The following SECISBP2 variants were observed in gnomAD, a reference collection of about 807,000 sequenced individuals.
The protein encoded by SECISBP2 is selenocysteine insertion sequence-binding protein 2.
A neutral mutation model predicts 98.2 loss-of-function variants in SECISBP2; 96 were observed. That is an observed-to-expected ratio of 0.98 (90% CI 0.83 to 1.16). The LOEUF (loss-of-function observed/expected upper bound fraction) is 1.16. Among genes scored for constraint, SECISBP2 ranks in the 50% most tolerant of loss-of-function variants. The probability of loss-of-function intolerance (pLI) is 0.00; values close to 1 mark genes in which losing one functional copy is unlikely to be tolerated. For missense variants in SECISBP2, 1,046 were observed against 1,022.9 expected (o/e 1.02, Z -0.31); for synonymous variants, 407 against 370.2 (o/e 1.10, Z -1.14).
At chr9:89,333,863 T>G (rs1828179545) in intron 6 of SECISBP2, among the ~76,000 whole-genome samples, 1 of 152,226 alleles carries the variant, frequency 6.6e-6, no homozygotes, top group African/African-American at 2.4e-5. Context: ...GTTCGATATG[T>G]ATGTGGTTGA....
chr9:89,336,710 T>C (rs1828776322), intron 7 of SECISBP2, among the ~76,000 whole-genome samples: 1 of 149,620 alleles, frequency 6.7e-6, no homozygotes, highest in Admixed American at 6.7e-5. Flanking sequence ...CCTGCCTGTC[T>C]CTGGGGCTCC....
At chr9:89,366,465 T>TG in the SECISBP2 span, among the ~76,000 whole-genome samples, 4 of 152,352 alleles carry the variant, frequency 2.6e-5, no homozygotes, top group East Asian at 5.8e-4. Context: ...CATCTGGCCC[T>TG]GGCCTGGTGG....
At chr9:89,360,472 G>T (rs1290568465), downstream of SECISBP2, among the ~76,000 whole-genome samples, 4 of 152,228 alleles carry the variant, frequency 2.6e-5, no homozygotes, top group Non-Finnish European at 4.4e-5. Flanking sequence ...CACTAGAGAT[G>T]AATTCCTCTG....
chr9:89,340,910 T>C (rs1829558044), intron 9 of SECISBP2, among the ~76,000 whole-genome samples: 1 of 152,240 alleles, frequency 6.6e-6, no homozygotes, highest in South Asian at 2.1e-4. Context: ...TTTGGGCTTA[T>C]GTAGACTTTT....
intron 14 of SECISBP2, among the ~76,000 whole-genome samples, chr9:89,351,729 G>A (rs141506546): frequency 1.3e-5 from 2 of 152,110 alleles, no homozygotes; most frequent in Non-Finnish European, 2.9e-5. Flanking sequence ...CCAGCAGCTC[G>A]TCCCTGTCCT....
Position 89,346,944 on chromosome 9 carries a change from CAAATG to C in SECISBP2, c.1501_1505del (p.Met501AspfsTer57), listed in dbSNP as rs776307390. ...AGGGGAGAGAGGCCGCCGCATGAGT[CAAATG>C]AAGACCCCGCACAATCCCTTGGACT... On this transcript the variant is annotated frameshift_variant, in exon 11 of 17. Transcript: ENST00000375807. LOFTEE classifies it high-confidence loss of function. 2.5e-6 allele frequency: 4 copies of C among 1,614,146 alleles called. No individual in the cohort carries two copies.
intron 5 of SECISBP2, among the ~76,000 whole-genome samples, chr9:89,330,932 T>A (rs1827647015): frequency 6.6e-6 from 1 of 152,230 alleles, no homozygotes; most frequent in Admixed American, 6.5e-5. Flanking sequence ...TTTGAACATA[T>A]GAAGTAAGAT....
At chr9:89,339,145 A>G (rs1329936020) in intron 8 of SECISBP2, among the ~76,000 whole-genome samples, 1 of 152,184 alleles carries the variant, frequency 6.6e-6, no homozygotes, top group Admixed American at 6.5e-5. Context: ...TTTTCTTTAC[A>G]TTGCTGTACC....
chr9:89,336,081 CTTTTT>C (rs59799418), intron 7 of SECISBP2, among the ~76,000 whole-genome samples: 7 of 33,056 alleles, frequency 2.1e-4, no homozygotes, highest in African/African-American at 4.8e-4. Flanking sequence ...ATTTTAAGTG[CTTTTT>C]TTTTTTTTTT....
At chr9:89,334,143 G>A (rs1043205951) in intron 6 of SECISBP2, 10 of 1,151,982 alleles carry the variant, frequency 8.7e-6, no homozygotes, top group Non-Finnish European at 7.5e-6. Flanking sequence ...TGATGTTAAA[G>A]GTACACTTCA....
chr9:89,348,261 C>A lies in SECISBP2; in HGVS notation c.1738+47C>A, dbSNP rs747651228. 5.6e-6 allele frequency: 9 copies of A among 1,608,916 alleles called. No homozygotes were observed. In the South Asian group the frequency reaches 8.8e-5, roughly 16 times the overall value. On this transcript the variant is annotated intron_variant, in intron 12 of 16. Coordinates refer to ENST00000375807, the MANE Select transcript of SECISBP2 (RefSeq NM_024077.5). ...TTAAGAATAATTTAAACGAGAGCAA[C>A]TATGAAAAGGATGAGCTATGCTGAG...
chr9:89,355,080 G>A lies in SECISBP2; in HGVS notation c.2114-2331G>A, dbSNP rs1831865474. On this transcript the variant is annotated intron_variant, in intron 14 of 16. Coordinates refer to ENST00000375807, the MANE Select transcript of SECISBP2 (RefSeq NM_024077.5). Reference sequence around the variant, plus strand: ...GCAGGGTGTGGGCAGAATAAGGGCTGTGGGTTTAGAAATTAATCTCCTATC... The same window carrying A: ...GCAGGGTGTGGGCAGAATAAGGGCTATGGGTTTAGAAATTAATCTCCTATC... The A allele has an allele frequency of 6.1e-6, 6 of 985,420 alleles. No individual in the cohort carries two copies. The South Asian group carries it at 2.3e-4, about 39-fold the overall frequency. The allele number at this position is 985,420 out of a possible 1,614,324, so 61.0% of individuals were successfully genotyped here.
rs182789926 is a variant in SECISBP2, at chr9:89,337,475, A to G, written c.1090-983A>G. Among the ~76,000 whole-genome samples, 348 of 152,352 alleles carry G rather than the reference A, an allele frequency of 2.3e-3. 2 individuals carry two copies. Among genetic ancestry groups the G allele is most frequent in the African/African-American group, 7.9e-3 (327 of 41,576 alleles). On this transcript the variant is annotated intron_variant, in intron 7 of 16. Transcript: ENST00000375807. ...GAGAAACCTTCATTAGCAATCTGGC[A>G]TATGTCCTGCCTCAGACTCATGAAA...
chr9:89,338,605 T>A, intron 8 of SECISBP2, 25 bp downstream of exon 8: 1 of 1,607,112 alleles, frequency 6.2e-7, no homozygotes, highest in Non-Finnish European at 8.5e-7. Context: ...TTTATTCACA[T>A]GGTGTGATAT....
intron 10 of SECISBP2, among the ~76,000 whole-genome samples, chr9:89,344,862 T>C (rs1380278848): frequency 2.0e-5 from 3 of 152,222 alleles, no homozygotes; most frequent in African/African-American, 7.2e-5. Context: ...GTGTTGGAAC[T>C]GCTACTTTAT....
At chr9:89,322,370 G>A (rs1825956948) in intron 2 of SECISBP2, 1 of 152,196 alleles carries the variant, frequency 6.6e-6, no homozygotes, top group African/African-American at 2.4e-5. Flanking sequence ...GAAAAATCCT[G>A]TGCAACCTGT....
At chr9:89,336,429 C>T (rs74703137) in intron 7 of SECISBP2, among the ~76,000 whole-genome samples, 45,429 of 151,576 alleles carry the variant, frequency 0.3, 7,146 homozygotes, top group South Asian at 0.43. Context: ...TCATTGTATA[C>T]GGATATATTA....
At position 89,359,637 on chromosome 9, in the gene SECISBP2, A is replaced by G. The variant is rs73502345; in HGVS notation, c.*813A>G. ...TATTTATTTTAAATAAAGAGTAATT[A>G]TTAAATTTTGTTTCAGACTCTGGTG... On this transcript the variant is annotated 3_prime_UTR_variant, in exon 17 of 17. Transcript: ENST00000375807. The G allele has an allele frequency of 6.6e-6, 1 of 152,188 alleles. No homozygotes were observed. The highest frequency in any genetic ancestry group is 2.4e-5 in the African/African-American group (1 of 41,524). 9.4% of individuals were successfully genotyped at this position (152,188 alleles called of 1,614,324 possible).
At position 89,325,678 on chromosome 9, in the gene SECISBP2, T is replaced by G; in HGVS notation, c.432+2T>G. The G allele has an allele frequency of 3.1e-6, 5 of 1,613,880 alleles. No homozygotes were observed. Among genetic ancestry groups the G allele is most frequent in the Non-Finnish European group, 4.2e-6 (5 of 1,180,008 alleles). On this transcript the variant is annotated splice_donor_variant, in intron 3 of 16. Transcript: ENST00000375807. LOFTEE classifies it high-confidence loss of function. The stretch of plus-strand genomic sequence containing the variant: ...CAAGAAATGAAAGCTCTGTTTAAGG[T>G]GAGTAGTGATGTTGTTTTGTTGTGT...
Sources: allele counts gnomAD v4.1 joint callset (sites outside exome capture counted in the v4.1 genomes callset), GRCh38; gene constraint gnomAD v4.1.1; transcripts MANE v1.5; gene names NCBI Gene and HGNC (gene_info 2026-07-23, HGNC 2026-07-21).